Variants in RGS6 observed in about 807,000 individuals in gnomAD.
The protein encoded by RGS6 is regulator of G protein signaling 6.
RGS6 carries 30 observed loss-of-function variants against 78.5 expected under a neutral mutation model. That is an observed-to-expected ratio of 0.38 (90% CI 0.29 to 0.52). RGS6 has a LOEUF of 0.52. RGS6 is among the 20% of genes least tolerant of loss of function. The pLI, the probability that RGS6 is intolerant of heterozygous loss-of-function variation, is 0.85. For missense variants in RGS6, 495 were observed against 609.7 expected (o/e 0.81, Z 1.98); for synonymous variants, 206 against 206.0 (o/e 1.00, Z 0.00).
chr14:72,234,989 G>A (rs766354466), intron 2 of RGS6, among the ~76,000 whole-genome samples: 3 of 152,050 alleles, frequency 2.0e-5, no homozygotes, highest in South Asian at 4.1e-4. Flanking sequence ...TCTTGTCCTC[G>A]TTTTACAATT....
At chr14:72,080,422 G>T (rs957916821) in intron 2 of RGS6, among the ~76,000 whole-genome samples, 13 of 151,860 alleles carry the variant, frequency 8.6e-5, no homozygotes, top group Non-Finnish European at 1.6e-4. Context: ...TACATTTTGG[G>T]TATTAATCCC....
intron 2 of RGS6, among the ~76,000 whole-genome samples, chr14:72,076,580 A>G (rs1162920273): frequency 1.3e-5 from 2 of 152,150 alleles, no homozygotes; most frequent in African/African-American, 4.8e-5. Flanking sequence ...CCAGACTGAA[A>G]TGCAGTGGCA....
chr14:72,095,648 A>G (rs1274962258), intron 2 of RGS6, among the ~76,000 whole-genome samples: 1 of 152,258 alleles, frequency 6.6e-6, no homozygotes, highest in African/African-American at 2.4e-5. Context: ...AGACGAGAGC[A>G]TTCACAAGGA....
intron 2 of RGS6, among the ~76,000 whole-genome samples, chr14:72,138,939 A>G (rs897359346): frequency 1.3e-5 from 2 of 152,192 alleles, no homozygotes; most frequent in African/African-American, 4.8e-5. Flanking sequence ...TAAAGCGTAC[A>G]ATAAATGTAA....
chr14:72,612,493 T>C, the RGS6 span: 1 of 518,302 alleles, frequency 1.9e-6, no homozygotes, highest in Non-Finnish European at 3.8e-6. Context: ...GTGCACGGGG[T>C]ATATTTTCTT....
chr14:72,284,687 C>T (rs2062191825), intron 2 of RGS6, among the ~76,000 whole-genome samples: 1 of 152,222 alleles, frequency 6.6e-6, no homozygotes, highest in Non-Finnish European at 1.5e-5. Flanking sequence ...CACAGGGGCA[C>T]TGCCTAGGGA....
At chr14:71,934,599 T>A (rs1352522224) in intron 1 of RGS6, among the ~76,000 whole-genome samples, 9 of 152,240 alleles carry the variant, frequency 5.9e-5, no homozygotes, top group Admixed American at 5.9e-4. Context: ...CAGAAATGTT[T>A]ATTTAAATGA....
chr14:71,986,336 TTGTC>T (rs1430007338), intron 2 of RGS6, among the ~76,000 whole-genome samples: 1 of 152,196 alleles, frequency 6.6e-6, no homozygotes, highest in East Asian at 1.9e-4. Context: ...TACTTTCTCT[TTGTC>T]TGTAACGTTT....
chr14:72,257,561 T>C (rs2057329662), intron 2 of RGS6, among the ~76,000 whole-genome samples: 2 of 152,202 alleles, frequency 1.3e-5, no homozygotes, highest in Admixed American at 1.3e-4. Context: ...ACTATTTATG[T>C]GATGTGTTCA....
intron 2 of RGS6, among the ~76,000 whole-genome samples, chr14:72,185,591 C>T (rs913286138): frequency 7.2e-5 from 11 of 152,060 alleles, no homozygotes; most frequent in African/African-American, 2.7e-4. Flanking sequence ...ATTATTTGGA[C>T]TGGATTGTGA....
intron 3 of RGS6, among the ~76,000 whole-genome samples, chr14:72,422,490 C>T (rs2094237424): frequency 6.6e-6 from 1 of 152,148 alleles, no homozygotes; most frequent in Admixed American, 6.5e-5. Context: ...CAAACTGGAG[C>T]TGCAGAGTCA....
the RGS6 span, among the ~76,000 whole-genome samples, chr14:71,922,877 A>AAAACAAACC: frequency 1.3e-5 from 2 of 152,060 alleles, no homozygotes; most frequent in Non-Finnish European, 2.9e-5. Context: ...AAAACAAAAC[A>AAAACAAACC]AAACAAAACA....
chr14:71,987,126 A>G (rs2094748283), intron 2 of RGS6, among the ~76,000 whole-genome samples: 1 of 152,136 alleles, frequency 6.6e-6, no homozygotes, highest in Non-Finnish European at 1.5e-5. Flanking sequence ...TCTACTTATC[A>G]CACTGTCTTA....
chr14:72,540,120 C>T (rs1219010507), intron 17 of RGS6, 26 bp downstream of exon 17: 2 of 1,566,788 alleles, frequency 1.3e-6, no homozygotes, highest in African/African-American at 1.4e-5. Flanking sequence ...TTTCTTCCCT[C>T]AGCTTTTCTT....
chr14:72,227,655 A>T (rs780774356), intron 2 of RGS6, among the ~76,000 whole-genome samples: 1 of 152,164 alleles, frequency 6.6e-6, no homozygotes, highest in African/African-American at 2.4e-5. Context: ...TTTAGTTGGT[A>T]TGTTCTTGTT....
chr14:72,112,168 GC>G (rs538096601), intron 2 of RGS6, among the ~76,000 whole-genome samples: 88 of 152,326 alleles, frequency 5.8e-4, no homozygotes, highest in African/African-American at 2.1e-3. Flanking sequence ...TGTGCTCTCA[GC>G]CACAGATGGC....
chr14:72,109,879 T>C (rs905860063), intron 2 of RGS6, among the ~76,000 whole-genome samples: 2 of 152,202 alleles, frequency 1.3e-5, no homozygotes, highest in African/African-American at 4.8e-5. Context: ...ACTTTCCCAA[T>C]ACCACACAGT....
intron 2 of RGS6, among the ~76,000 whole-genome samples, chr14:72,084,655 T>G (rs1002988930): frequency 3.3e-5 from 5 of 152,202 alleles, no homozygotes; most frequent in Non-Finnish European, 7.3e-5. Context: ...GCTCATGCTT[T>G]TATTGTGTTT....
At position 72,565,086 on chromosome 14, in the gene RGS6, A is replaced by C. The variant is rs887686142; in HGVS notation, c.*2619A>C. On this transcript the variant is annotated 3_prime_UTR_variant, in exon 18 of 18. Coordinates refer to ENST00000553525, the MANE Select transcript of RGS6 (RefSeq NM_001204424.2). The stretch of plus-strand genomic sequence containing the variant: ...ATTGGCCTGGTCTACACAGCCAAAA[A>C]TTCAGACTAGATTAGATGTTTGCAG... The C allele has an allele frequency of 6.6e-6, 1 of 152,236 alleles. No individual in the cohort carries two copies. The highest frequency in any genetic ancestry group is 2.4e-5 in the African/African-American group (1 of 41,460). 9.4% of individuals were successfully genotyped at this position (152,236 alleles called of 1,614,324 possible). A position where few individuals can be genotyped will look rare whatever the true frequency, so the allele number is the denominator to read the frequency against.
Sources: gnomAD v4.1 joint callset for allele counts (sites outside exome capture counted in the v4.1 genomes callset) on GRCh38, gnomAD v4.1.1 for gene constraint, MANE v1.5 for transcripts, NCBI Gene and HGNC (gene_info 2026-07-23, HGNC 2026-07-21) for gene names.